The following PIK3CA variants were observed in gnomAD, a reference collection of about 807,000 sequenced individuals.
PIK3CA encodes the protein phosphatidylinositol-4,5-bisphosphate 3-kinase catalytic subunit alpha.
PIK3CA carries 27 observed loss-of-function variants against 138.2 expected under a neutral mutation model. The ratio of observed to expected loss-of-function variants is 0.20; its 90% CI spans 0.14 to 0.27. The LOEUF (loss-of-function observed/expected upper bound fraction) is 0.27, where lower values mean the gene tolerates loss of function less well. Among genes scored for constraint, PIK3CA ranks in the 10% least tolerant of loss-of-function variants. The pLI is 1.00. For missense variants in PIK3CA, 544 were observed against 1,277.4 expected (o/e 0.43, Z 8.75); for synonymous variants, 358 against 413.2 (o/e 0.87, Z 1.62).
In PIK3CA at chr3:179,210,255, A is replaced by G. The variant is rs1427967136; in HGVS notation, c.1321A>G (p.Met441Val). The change falls in exon 8 of 21, where the codon ATG (methionine) becomes GTG (valine). Residue 441 changes from methionine to valine, a missense_variant. Met to Val is a conservative substitution (Grantham distance 21, BLOSUM62 1). Coordinates refer to ENST00000263967, the MANE Select transcript of PIK3CA (RefSeq NM_006218.4). The stretch of plus-strand genomic sequence containing the variant: ...CACAGACACTCTAGTATCTGGAAAA[A>G]TGGCTTTGAATCTTTGGCCAGTACC... ...DYTDTLVSGK[M>V]ALNLWPVPHG... 1 of 1,598,032 alleles carries G rather than the reference A, an allele frequency of 6.3e-7. No individual in the cohort carries two copies. Among genetic ancestry groups the G allele is most frequent in the Non-Finnish European group, 8.5e-7 (1 of 1,176,132 alleles).
chr3:179,235,236 C>T lies in PIK3CA; in HGVS notation c.*872C>T, dbSNP rs999900226. ...TCTCCTTCTGCAATTGAACTGAATA[C>T]ATTTTTCATGCATGTTTTCCAGAAA... On this transcript the variant is annotated 3_prime_UTR_variant, in exon 21 of 21. Coordinates refer to ENST00000263967, the MANE Select transcript of PIK3CA (RefSeq NM_006218.4). 3.8e-5 allele frequency: 7 copies of T among 181,844 alleles called. No homozygotes were observed. The highest frequency in any genetic ancestry group is 7.0e-5 in the Non-Finnish European group (6 of 85,616). 11.3% of individuals were successfully genotyped at this position (181,844 alleles called of 1,614,324 possible). A position where few individuals can be genotyped will look rare whatever the true frequency, so the allele number is the denominator to read the frequency against.
At position 179,219,681 on chromosome 3, in the gene PIK3CA, G is replaced by A. The variant is rs765176108; in HGVS notation, c.1857G>A (p.Leu619=). The change falls in exon 12 of 21, where the codon TTG becomes TTA. Residue 619 remains leucine (L), a synonymous_variant. Transcript: ENST00000263967. The surrounding 1 kb of genome is among the most constrained non-coding windows in gnomAD (Gnocchi z 4.2). ...PMVRGFAVRC[L]EKYLTDDKLS... ...TTCGAGGTTTTGCTGTTCGGTGCTTGGAAAAATATTTAACAGATGACAAAC... is the reference window on the plus strand; with the variant it reads ...TTCGAGGTTTTGCTGTTCGGTGCTTAGAAAAATATTTAACAGATGACAAAC... The A allele has an allele frequency of 6.2e-7, 1 of 1,611,186 alleles. No individual in the cohort carries two copies. The highest frequency in any genetic ancestry group is 1.7e-5 in the Admixed American group (1 of 59,882).
At position 179,224,030 on chromosome 3, in the gene PIK3CA, A is replaced by T. The variant is rs190014476; in HGVS notation, c.2188-51A>T. The T allele has an allele frequency of 1.2e-5, 12 of 990,384 alleles. No individual in the cohort carries two copies. In the Admixed American group the frequency reaches 1.4e-4, roughly 12 times the overall value. The allele number at this position is 990,384 out of a possible 1,614,324, so 61.3% of individuals were successfully genotyped here. On this transcript the variant is annotated intron_variant, in intron 14 of 20. Transcript: ENST00000263967. ...GAGAAAGAGATTAGCAGTTAGTTTT[A>T]TCTTTTATTAAGTCAGTTTCTTACT... is the stretch of plus-strand genomic sequence containing the variant.
In PIK3CA at chr3:179,217,536, G is replaced by A. The variant is rs569702056; in HGVS notation, c.1540-674G>A. ...CATTTTTAGCCTTTTAAAAATATAT[G>A]TAACCCATCCTAAGGGGTTTATATT... On this transcript the variant is annotated intron_variant, in intron 9 of 20. Coordinates refer to ENST00000263967, the MANE Select transcript of PIK3CA (RefSeq NM_006218.4). 2.0e-5 allele frequency among the ~76,000 whole-genome samples: 3 copies of A among 152,096 alleles called. No homozygotes were observed. The South Asian group carries it at 6.2e-4, about 32-fold the overall frequency.
rs1410781373 is a variant in PIK3CA, at chr3:179,230,486, G to A, written c.2936+110G>A. ...ATAATAAATGTTGGCTGGGTGTGGT[G>A]GTTCATGCCTGTAATCCCAACTCTT... On this transcript the variant is annotated intron_variant, in intron 20 of 20. Coordinates refer to ENST00000263967, the MANE Select transcript of PIK3CA (RefSeq NM_006218.4). This position sits in a 1 kb window ranked among gnomAD's most constrained non-coding sequence, Gnocchi z 5.4. The A allele has an allele frequency of 4.3e-6, 4 of 935,198 alleles. No individual in the cohort carries two copies. In the South Asian group the frequency reaches 5.5e-5, roughly 13 times the overall value. The allele number at this position is 935,198 out of a possible 1,614,324, so 57.9% of individuals were successfully genotyped here. A position where few individuals can be genotyped will look rare whatever the true frequency, so the allele number is the denominator to read the frequency against.
At chr3:179,169,488 T>G (rs1723497186) in intron 1 of PIK3CA, among the ~76,000 whole-genome samples, 1 of 152,212 alleles carries the variant, frequency 6.6e-6, no homozygotes. Flanking sequence ...TAAAGTTTTC[T>G]TCGTTTATTT....
At chr3:179,232,776 G>A (rs553806492) in intron 20 of PIK3CA, among the ~76,000 whole-genome samples, 1 of 152,026 alleles carries the variant, frequency 6.6e-6, no homozygotes, top group Admixed American at 6.6e-5. Flanking sequence ...GTTGTTGTTG[G>A]TGTATAGCAA....
At chr3:179,200,634 A>G (rs1294804835) in intron 3 of PIK3CA, among the ~76,000 whole-genome samples, 1 of 152,102 alleles carries the variant, frequency 6.6e-6, no homozygotes, top group Non-Finnish European at 1.5e-5. Context: ...ATATATTTTA[A>G]TGCTCTTTTC....
intron 1 of PIK3CA, among the ~76,000 whole-genome samples, chr3:179,170,069 C>CGT (rs1453994195): frequency 2.9e-4 from 11 of 37,958 alleles, no homozygotes; most frequent in Non-Finnish European, 5.1e-4. Flanking sequence ...CGTGCACACG[C>CGT]GCGCGCGCAC....
At chr3:179,150,173 G>A (rs2108346248) in intron 1 of PIK3CA, among the ~76,000 whole-genome samples, 1 of 64,036 alleles carries the variant, frequency 1.6e-5, no homozygotes, top group South Asian at 4.1e-4. Context: ...GTGTTTACGT[G>A]TGTGTGTGTG....
Position 179,203,524 on chromosome 3 carries a change from GC to G in PIK3CA, c.814-15del, listed in dbSNP as rs747186748. On this transcript the variant is annotated intron_variant, in intron 4 of 20. Coordinates refer to ENST00000263967, the MANE Select transcript of PIK3CA (RefSeq NM_006218.4). ...TGAAAAACCTTACAGGAAATGGCTC[GC>G]CCCCTTAATCTCTTACAGTATATAA... The G allele has an allele frequency of 6.4e-6, 10 of 1,572,172 alleles. No individual in the cohort carries two copies. Among genetic ancestry groups the G allele is most frequent in the Non-Finnish European group, 8.6e-6 (10 of 1,160,946 alleles).
At chr3:179,162,749 G>A (rs184719318) in intron 1 of PIK3CA, among the ~76,000 whole-genome samples, 1 of 151,974 alleles carries the variant, frequency 6.6e-6, no homozygotes, top group African/African-American at 2.4e-5. Flanking sequence ...AATCTACTTG[G>A]ATGTTGGAGG....
At chr3:179,153,576 G>A (rs1723063138) in intron 1 of PIK3CA, among the ~76,000 whole-genome samples, 2 of 152,074 alleles carry the variant, frequency 1.3e-5, no homozygotes, top group Admixed American at 6.5e-5. Context: ...TGAATTTTAT[G>A]TTTAGACTTG....
At position 179,236,249 on chromosome 3, in the gene PIK3CA, C is replaced by T. The variant is rs1386827512; in HGVS notation, c.*1885C>T. The T allele has an allele frequency of 1.5e-5, 3 of 196,526 alleles. No homozygotes were observed. Among genetic ancestry groups the T allele is most frequent in the Non-Finnish European group, 3.2e-5 (3 of 94,072 alleles). 12.2% of individuals were successfully genotyped at this position (196,526 alleles called of 1,614,324 possible). ...TCACTAAAGCATGTATATAATATTGCCAACAAGAAAAGTAAATTTGAAGAT... is the reference window on the plus strand; with the variant it reads ...TCACTAAAGCATGTATATAATATTGTCAACAAGAAAAGTAAATTTGAAGAT... On this transcript the variant is annotated 3_prime_UTR_variant, in exon 21 of 21. Transcript: ENST00000263967.
chr3:179,159,977 T>C (rs567880857), intron 1 of PIK3CA, among the ~76,000 whole-genome samples: 236 of 152,286 alleles, frequency 1.5e-3, no homozygotes, highest in Non-Finnish European at 2.8e-3. Context: ...ATGGTATGCA[T>C]GTATAAAGCC....
chr3:179,224,052 T>A, intron 14 of PIK3CA, 29 bp from the exon 15 acceptor site: 3 of 1,229,192 alleles, frequency 2.4e-6, no homozygotes, highest in Non-Finnish European at 3.6e-6. Flanking sequence ...GTCAGTTTCT[T>A]ACTGTGACTA....
chr3:179,188,131 T>A (rs1251618899), intron 1 of PIK3CA, among the ~76,000 whole-genome samples: 7 of 152,228 alleles, frequency 4.6e-5, no homozygotes, highest in Admixed American at 6.5e-5. Flanking sequence ...CCATTTCTTC[T>A]CAGGACTAGA....
chr3:179,219,135 C>A lies in PIK3CA; in HGVS notation c.1665-61C>A. ...AGAAGATTCATATGGAGAAGTTAGA[C>A]ATGTCAACCTTTTGAACAGCATGCA... On this transcript the variant is annotated intron_variant, in intron 10 of 20. Coordinates refer to ENST00000263967, the MANE Select transcript of PIK3CA (RefSeq NM_006218.4). The surrounding 1 kb of genome is among the most constrained non-coding windows in gnomAD (Gnocchi z 4.2). 2.1e-6 allele frequency: 2 copies of A among 963,920 alleles called. No individual in the cohort carries two copies. The highest frequency in any genetic ancestry group is 3.3e-6 in the Non-Finnish European group (2 of 606,522). The allele number at this position is 963,920 out of a possible 1,614,324, so 59.7% of individuals were successfully genotyped here.
chr3:179,188,980 G>A (rs1391144918), intron 1 of PIK3CA, among the ~76,000 whole-genome samples: 1 of 152,156 alleles, frequency 6.6e-6, no homozygotes, highest in Non-Finnish European at 1.5e-5. Flanking sequence ...GGGAGAATGA[G>A]GTGGGCAGAT....
Sources: gnomAD v4.1 joint callset for allele counts (sites outside exome capture counted in the v4.1 genomes callset) on GRCh38, gnomAD v4.1.1 for gene constraint, Gnocchi (gnomAD v3.1) non-coding constraint, MANE v1.5 for transcripts, NCBI Gene and HGNC (gene_info 2026-07-23, HGNC 2026-07-21) for gene names.